The following DEFB119 variants were observed in gnomAD, a reference collection of about 807,000 sequenced individuals.
DEFB119 encodes defensin beta 119.
Under a neutral mutation model 2.5 loss-of-function variants are expected in DEFB119, and 3 were observed. The ratio of observed to expected loss-of-function variants is 1.19; its 90% CI spans 0.54 to 3.07. The LOEUF (loss-of-function observed/expected upper bound fraction) is 3.07, where lower values mean the gene tolerates loss of function less well. Ranked by LOEUF, DEFB119 falls within the 30% of genes most tolerant of loss-of-function variation. The pLI, the probability that DEFB119 is intolerant of heterozygous loss-of-function variation, is 0.03. For synonymous variants in DEFB119, 29 were observed against 33.7 expected (o/e 0.86, Z 0.48); for missense variants, 113 against 101.1 (o/e 1.12, Z -0.50).
At chr20:31,387,163 A>C (rs1986738015) in intron 1 of DEFB119, among the ~76,000 whole-genome samples, 1 of 152,194 alleles carries the variant, frequency 6.6e-6, no homozygotes, top group Non-Finnish European at 1.5e-5. Context: ...AATACAAAGA[A>C]ATGATAAATG....
At chr20:31,378,280 C>T (rs1986375485) in intron 1 of DEFB119, 23 of 1,608,594 alleles carry the variant, frequency 1.4e-5, no homozygotes, top group African/African-American at 2.7e-5. Context: ...GGAGGCCACA[C>T]GGGGAACAGA....
chr20:31,379,456 A>G (rs1986425782), intron 1 of DEFB119, among the ~76,000 whole-genome samples: 1 of 151,564 alleles, frequency 6.6e-6, no homozygotes, highest in Admixed American at 6.6e-5. Flanking sequence ...ATGTCTTTTC[A>G]TATCTTTTGT....
At chr20:31,383,854 A>G (rs113050878) in intron 1 of DEFB119, among the ~76,000 whole-genome samples, 21,589 of 151,854 alleles carry the variant, frequency 0.14, 1,777 homozygotes, top group Non-Finnish European at 0.18. Context: ...AAAATAAATA[A>G]ATAAATAAAT....
chr20:31,385,869 C>CAA (rs57252125), intron 1 of DEFB119, among the ~76,000 whole-genome samples: 22 of 139,474 alleles, frequency 1.6e-4, no homozygotes, highest in African/African-American at 5.1e-4. Context: ...GACCGTGTCT[C>CAA]AAAAAAAAAA....
At chr20:31,382,439 T>C (rs1444828751) in intron 1 of DEFB119, among the ~76,000 whole-genome samples, 1 of 152,152 alleles carries the variant, frequency 6.6e-6, no homozygotes, top group Non-Finnish European at 1.5e-5. Context: ...ATCTAACCCC[T>C]AGAATTTTGA....
chr20:31,387,649 C>G (rs753565671), intron 1 of DEFB119, among the ~76,000 whole-genome samples: 11 of 152,166 alleles, frequency 7.2e-5, no homozygotes, highest in Non-Finnish European at 1.3e-4. Flanking sequence ...AAGAGCATCC[C>G]TTGATGCTTC....
intron 1 of DEFB119, among the ~76,000 whole-genome samples, chr20:31,386,810 C>CTTTTTTTTT (rs148428945): frequency 1.4e-3 from 156 of 108,912 alleles, no homozygotes; most frequent in African/African-American, 3.1e-3. Context: ...TTTTCTTTTT[C>CTTTTTTTTT]TTTTTTTTTT....
chr20:31,382,739 A>G (rs1275380947), intron 1 of DEFB119, among the ~76,000 whole-genome samples: 3 of 152,224 alleles, frequency 2.0e-5, no homozygotes, highest in African/African-American at 4.8e-5. Context: ...TTCATGTTCA[A>G]GAAACACTCA....
chr20:31,378,218 C>A, intron 1 of DEFB119: 3 of 1,395,514 alleles, frequency 2.1e-6, no homozygotes, highest in Non-Finnish European at 3.0e-6. Context: ...AGAGTCAAGA[C>A]TTTCACCACC....
At chr20:31,381,292 T>C (rs1986497318) in intron 1 of DEFB119, among the ~76,000 whole-genome samples, 1 of 152,260 alleles carries the variant, frequency 6.6e-6, no homozygotes, top group Admixed American at 6.5e-5. Context: ...AACCTACTTA[T>C]TAGTTTTAGG....
At chr20:31,389,206 C>A (rs777217364) in intron 1 of DEFB119, 1 of 1,614,136 alleles carries the variant, frequency 6.2e-7, no homozygotes, top group South Asian at 1.1e-5. Context: ...CAACAACCGG[C>A]AGTGTCCATC....
At chr20:31,378,201 C>T in intron 1 of DEFB119, 1 of 1,166,378 alleles carries the variant, frequency 8.6e-7, no homozygotes, top group Non-Finnish European at 1.2e-6. Flanking sequence ...CAGAGAGGGC[C>T]TAGTGCAGAG....
chr20:31,378,335 C>T (rs756793394), intron 1 of DEFB119: 8 of 1,614,156 alleles, frequency 5.0e-6, no homozygotes, highest in Non-Finnish European at 5.9e-6. Flanking sequence ...AGGAAATACA[C>T]CTGGACTTCC....
At chr20:31,385,609 G>A (rs893145718) in intron 1 of DEFB119, among the ~76,000 whole-genome samples, 2 of 152,160 alleles carry the variant, frequency 1.3e-5, no homozygotes, top group African/African-American at 4.8e-5. Context: ...GCTCATGACT[G>A]TAATCCCAGC....
At chr20:31,379,402 C>A (rs1180736964) in intron 1 of DEFB119, among the ~76,000 whole-genome samples, 1 of 152,128 alleles carries the variant, frequency 6.6e-6, no homozygotes, top group African/African-American at 2.4e-5. Context: ...TGTTGAACAT[C>A]TTTTCAAATG....
intron 1 of DEFB119, chr20:31,389,349 T>A: frequency 7.7e-7 from 1 of 1,307,072 alleles, no homozygotes; most frequent in East Asian, 2.3e-5. Flanking sequence ...GCTGAGTGAG[T>A]AATGCCAGAC....
intron 1 of DEFB119, chr20:31,389,098 C>T (rs1408273034): frequency 2.5e-6 from 4 of 1,614,150 alleles, no homozygotes; most frequent in Non-Finnish European, 3.4e-6. Context: ...GCCAAGGATT[C>T]CATGAATTGT....
intron 1 of DEFB119, among the ~76,000 whole-genome samples, chr20:31,381,446 T>C (rs1460986073): frequency 6.6e-6 from 1 of 152,230 alleles, no homozygotes; most frequent in Non-Finnish European, 1.5e-5. Context: ...CTTGCATTAA[T>C]GCAATGGCTA....
intron 1 of DEFB119, among the ~76,000 whole-genome samples, chr20:31,385,164 G>A (rs1986646879): frequency 6.6e-6 from 1 of 152,110 alleles, no homozygotes; most frequent in Non-Finnish European, 1.5e-5. Context: ...AAAGAGGCAA[G>A]GAATGATATC....
Sources: gnomAD v4.1 joint callset for allele counts (sites outside exome capture counted in the v4.1 genomes callset) on GRCh38, gnomAD v4.1.1 for gene constraint, MANE v1.5 for transcripts, NCBI Gene and HGNC (gene_info 2026-07-23, HGNC 2026-07-21) for gene names.